PCDHA13: variants seen among roughly 807,000 people sequenced by gnomAD.
PCDHA13 encodes the protein protocadherin alpha-13.
A neutral mutation model predicts 64.8 loss-of-function variants in PCDHA13; 54 were observed. The observed-to-expected ratio is 0.83, with a 90% CI of 0.67 to 1.04. PCDHA13 has a LOEUF of 1.04. PCDHA13 is among the 50% of genes least tolerant of loss of function. The pLI, the probability that PCDHA13 is intolerant of heterozygous loss-of-function variation, is 0.00. For missense variants in PCDHA13, 1,248 were observed against 1,254.3 expected (o/e 0.99, Z 0.08); for synonymous variants, 587 against 564.4 (o/e 1.04, Z -0.57).
At chr5:140,960,064 T>G (rs1352718360) in intron 1 of PCDHA13, among the ~76,000 whole-genome samples, 1 of 152,208 alleles carries the variant, frequency 6.6e-6, no homozygotes, top group Admixed American at 6.5e-5. Flanking sequence ...TACAGAAGAT[T>G]CAATTGAAGT....
intron 3 of PCDHA13, among the ~76,000 whole-genome samples, chr5:140,993,295 C>G (rs553867145): frequency 3.3e-5 from 5 of 152,090 alleles, no homozygotes; most frequent in African/African-American, 9.7e-5. Flanking sequence ...GGGTCACAAC[C>G]TTGCCTCCAG....
chr5:140,898,674 C>G (rs1174441906), intron 1 of PCDHA13, among the ~76,000 whole-genome samples: 1 of 152,160 alleles, frequency 6.6e-6, no homozygotes, highest in Non-Finnish European at 1.5e-5. Context: ...GTGTTGCGGG[C>G]TGTTTTTTGG....
At chr5:140,914,809 T>G (rs532202561) in intron 1 of PCDHA13, among the ~76,000 whole-genome samples, 21 of 152,314 alleles carry the variant, frequency 1.4e-4, no homozygotes, top group African/African-American at 5.1e-4. Flanking sequence ...TGATGGCAAC[T>G]TAACAGACTG....
At chr5:140,947,147 C>A (rs1025959771) in intron 1 of PCDHA13, among the ~76,000 whole-genome samples, 1 of 151,270 alleles carries the variant, frequency 6.6e-6, no homozygotes, top group African/African-American at 2.4e-5. Flanking sequence ...TGTATAGTTA[C>A]TTCCACGGGG....
intron 1 of PCDHA13, among the ~76,000 whole-genome samples, chr5:140,975,386 G>A (rs2096665314): frequency 6.6e-6 from 1 of 152,252 alleles, no homozygotes; most frequent in Admixed American, 6.5e-5. Flanking sequence ...ATGGGAATAA[G>A]ATCCATCACA....
At chr5:140,934,511 T>C (rs999288213) in intron 1 of PCDHA13, among the ~76,000 whole-genome samples, 1 of 152,210 alleles carries the variant, frequency 6.6e-6, no homozygotes, top group East Asian at 1.9e-4. Context: ...AAAGGGTCCA[T>C]AGACCACACT....
At chr5:140,966,737 G>A (rs1466161811) in intron 1 of PCDHA13, 4 of 1,420,882 alleles carry the variant, frequency 2.8e-6, no homozygotes, top group Non-Finnish European at 3.7e-6. Flanking sequence ...CTCCGGCCCT[G>A]CCCGGCTGCC....
intron 1 of PCDHA13, among the ~76,000 whole-genome samples, chr5:140,905,419 C>T (rs2071826794): frequency 6.6e-6 from 1 of 152,158 alleles, no homozygotes; most frequent in South Asian, 2.1e-4. Flanking sequence ...CAGTACCATG[C>T]TGGTTTGATA....
intron 1 of PCDHA13, among the ~76,000 whole-genome samples, chr5:140,964,550 C>T (rs13359943): frequency 0.012 from 1,826 of 152,168 alleles, 28 homozygotes; most frequent in African/African-American, 0.042. Flanking sequence ...ATGGCAGCGA[C>T]TTGGAGGGCT....
intron 1 of PCDHA13, chr5:140,966,755 C>T (rs1554228616): frequency 7.0e-7 from 1 of 1,434,520 alleles, no homozygotes; most frequent in Admixed American, 2.7e-5. Context: ...GCCTCCGCCG[C>T]GGCCAGTGGC....
At chr5:140,897,353 T>C (rs1363658526) in intron 1 of PCDHA13, among the ~76,000 whole-genome samples, 3 of 116,194 alleles carry the variant, frequency 2.6e-5, no homozygotes, top group Non-Finnish European at 4.9e-5. Flanking sequence ...CCCACAACTG[T>C]CCCCAGAGTG....
At chr5:140,949,783 G>A (rs1181020228) in intron 1 of PCDHA13, among the ~76,000 whole-genome samples, 1 of 151,784 alleles carries the variant, frequency 6.6e-6, no homozygotes, top group Non-Finnish European at 1.5e-5. Context: ...GATATGTTTA[G>A]ATTTGTGTCC....
At chr5:140,962,084 A>G (rs541325949) in intron 1 of PCDHA13, among the ~76,000 whole-genome samples, 1 of 152,028 alleles carries the variant, frequency 6.6e-6, no homozygotes, top group African/African-American at 2.4e-5. Flanking sequence ...ACGGGGTTTC[A>G]CCATGTTAGC....
chr5:140,966,259 G>A (rs1358322921), intron 1 of PCDHA13: 1 of 340,612 alleles, frequency 2.9e-6, no homozygotes, highest in Non-Finnish European at 5.3e-6. Context: ...AGACGGTGGA[G>A]ACTGGATGAA....
In PCDHA13 at chr5:141,010,203, C is replaced by T; in HGVS notation, c.*266C>T. ...AGACCCAAGTTTCCTTTCTCCTCCG[C>T]CGCAAAGGAGAGGCTTCCCAGCCCC... On this transcript the variant is annotated 3_prime_UTR_variant, in exon 4 of 4. Coordinates refer to ENST00000289272, the MANE Select transcript of PCDHA13 (RefSeq NM_018904.3). The T allele has an allele frequency of 1.3e-6, 2 of 1,552,032 alleles. No homozygotes were observed. Among genetic ancestry groups the T allele is most frequent in the Non-Finnish European group, 1.7e-6 (2 of 1,147,066 alleles).
chr5:140,897,340 C>T, intron 1 of PCDHA13, among the ~76,000 whole-genome samples: 1 of 122,942 alleles, frequency 8.1e-6, no homozygotes, highest in Non-Finnish European at 1.6e-5. Context: ...CCCCTCCCCC[C>T]ACCCCACAAC....
chr5:140,982,559 A>G lies in PCDHA13; in HGVS notation c.2538A>G (p.Thr846=). 1 of 1,614,170 alleles carries G rather than the reference A, an allele frequency of 6.2e-7. No homozygotes were observed. The highest frequency in any genetic ancestry group is 8.5e-7 in the Non-Finnish European group (1 of 1,180,012). Residue 846 remains threonine, a synonymous_variant, in exon 3 of 4, where the codon ACA becomes ACG. Coordinates refer to ENST00000289272, the MANE Select transcript of PCDHA13 (RefSeq NM_018904.3). The part of the protein sequence containing the change: ...DQQWPTVSSA[T]PEPEAGEVSP... ...AGTGGCCAACAGTATCCAGTGCAAC[A>G]CCAGGTAAAGAGCTGGGGTCTCTCC... is the stretch of plus-strand genomic sequence containing the variant.
intron 1 of PCDHA13, chr5:140,967,728 G>T: frequency 6.2e-7 from 1 of 1,614,176 alleles, no homozygotes; most frequent in East Asian, 2.2e-5. Context: ...CGAGTAATTG[G>T]GGGGCTGGAT....
chr5:140,969,636 T>C (rs2096349824), intron 1 of PCDHA13: 1 of 212,100 alleles, frequency 4.7e-6, no homozygotes, highest in Non-Finnish European at 8.1e-6. Context: ...GGACAGGCCT[T>C]GGAATAGGGA....
Sources: allele counts gnomAD v4.1 joint callset (sites outside exome capture counted in the v4.1 genomes callset), GRCh38; gene constraint gnomAD v4.1.1; transcripts MANE v1.5; gene names NCBI Gene and HGNC (gene_info 2026-07-23, HGNC 2026-07-21).